SSH2: variants seen among roughly 807,000 people sequenced by gnomAD.
SSH2 encodes the protein protein phosphatase Slingshot homolog 2.
Under a neutral mutation model 135.2 loss-of-function variants are expected in SSH2, and 37 were observed. The observed-to-expected ratio is 0.27, with a 90% CI of 0.21 to 0.36. The LOEUF is 0.36. SSH2 is among the 10% of genes least tolerant of loss of function. The pLI is 1.00. For synonymous variants in SSH2, 628 were observed against 646.2 expected (o/e 0.97, Z 0.43); for missense variants, 1,408 against 1,765.3 (o/e 0.80, Z 3.63).
chr17:29,680,443 C>T (rs759897979), intron 6 of SSH2, among the ~76,000 whole-genome samples: 8 of 145,590 alleles, frequency 5.5e-5, no homozygotes, highest in Non-Finnish European at 9.0e-5. Flanking sequence ...CCCAGCTACT[C>T]GGGAGGCTGA....
chr17:29,703,562 T>G (rs534889491), intron 3 of SSH2, among the ~76,000 whole-genome samples: 1 of 149,762 alleles, frequency 6.7e-6, no homozygotes, highest in African/African-American at 2.5e-5. Context: ...ACAAGTTTTC[T>G]GAAACAAAAC....
At chr17:29,848,598 T>G (rs774534093) in intron 2 of SSH2, among the ~76,000 whole-genome samples, 3 of 152,212 alleles carry the variant, frequency 2.0e-5, no homozygotes, top group Non-Finnish European at 4.4e-5. Flanking sequence ...GGTTCCAAGA[T>G]GCCACATTTT....
chr17:29,684,852 G>C (rs190255086), intron 5 of SSH2, among the ~76,000 whole-genome samples, 168 bp from the exon 6 acceptor site: 161 of 152,212 alleles, frequency 1.1e-3, no homozygotes, highest in African/African-American at 3.6e-3. Context: ...TAAAAACTTT[G>C]GTAAGTTACT....
At chr17:29,681,927 T>G (rs1179356079) in intron 6 of SSH2, among the ~76,000 whole-genome samples, 1 of 152,194 alleles carries the variant, frequency 6.6e-6, no homozygotes, top group Non-Finnish European at 1.5e-5. Context: ...AAGCAGAGGA[T>G]GTATGGGAAT....
intron 1 of SSH2, among the ~76,000 whole-genome samples, chr17:29,902,154 T>C (rs2066569822): frequency 6.6e-6 from 1 of 152,190 alleles, no homozygotes; most frequent in Admixed American, 6.5e-5. Flanking sequence ...GCAATGAATG[T>C]ACACTACTTT....
intron 3 of SSH2, among the ~76,000 whole-genome samples, chr17:29,710,467 T>C (rs2039393575): frequency 6.6e-6 from 1 of 152,232 alleles, no homozygotes; most frequent in South Asian, 2.1e-4. Context: ...ACTCATACTT[T>C]TGTCTTGAAG....
chr17:29,643,142 G>T (rs1598704623), intron 14 of SSH2: 2 of 985,424 alleles, frequency 2.0e-6, no homozygotes, highest in Non-Finnish European at 2.4e-6. Flanking sequence ...AGTCATAGGA[G>T]TCTGGAGATT....
chr17:29,840,952 A>C (rs1300387606), intron 2 of SSH2, among the ~76,000 whole-genome samples: 1 of 152,206 alleles, frequency 6.6e-6, no homozygotes, highest in African/African-American at 2.4e-5. Flanking sequence ...TGAGCTCTTT[A>C]ACTACTACAT....
chr17:29,885,483 C>A (rs1287385909), intron 1 of SSH2, among the ~76,000 whole-genome samples: 1 of 152,022 alleles, frequency 6.6e-6, no homozygotes, highest in Non-Finnish European at 1.5e-5. Context: ...TCTTGGCTGG[C>A]CCCTAGATAG....
At chr17:29,746,871 C>G (rs183844447) in intron 3 of SSH2, among the ~76,000 whole-genome samples, 348 of 152,296 alleles carry the variant, frequency 2.3e-3, no homozygotes, top group Non-Finnish European at 3.9e-3. Context: ...ACCTGACCAG[C>G]TTTTTGCTGG....
intron 3 of SSH2, among the ~76,000 whole-genome samples, chr17:29,760,268 A>G (rs1421618228): frequency 6.6e-6 from 1 of 152,216 alleles, no homozygotes; most frequent in Non-Finnish European, 1.5e-5. Flanking sequence ...GCTTTGCTTA[A>G]GTGCAAAGAG....
chr17:29,785,115 A>G (rs1429985117), intron 3 of SSH2, among the ~76,000 whole-genome samples: 2 of 152,152 alleles, frequency 1.3e-5, no homozygotes, highest in Admixed American at 6.5e-5. Flanking sequence ...CAGGCTTAAA[A>G]ATAGGGGAGG....
chr17:29,849,594 C>T (rs748289868), intron 1 of SSH2, among the ~76,000 whole-genome samples: 9 of 151,094 alleles, frequency 6.0e-5, no homozygotes, highest in Non-Finnish European at 1.2e-4. Context: ...CAAAGATACA[C>T]ATTTGATGTA....
intron 1 of SSH2, among the ~76,000 whole-genome samples, chr17:29,863,166 TAAC>T (rs1302537167): frequency 2.0e-5 from 3 of 152,108 alleles, no homozygotes; most frequent in African/African-American, 7.2e-5. Context: ...AACTGGTCCT[TAAC>T]AACAACAACA....
chr17:29,701,598 T>G (rs913996399), intron 4 of SSH2, among the ~76,000 whole-genome samples: 2 of 151,772 alleles, frequency 1.3e-5, no homozygotes, highest in African/African-American at 4.8e-5. Context: ...TGAAGTGGAG[T>G]CTTGCTCTGT....
chr17:29,646,786 C>T lies in SSH2; in HGVS notation c.1427+1358G>A, dbSNP rs573474509. On this transcript the variant is annotated intron_variant, in intron 14 of 15. Coordinates refer to ENST00000540801, the MANE Select transcript of SSH2 (RefSeq NM_001282129.2). ...GTGCTGGGATTATAGGTGTGAGCCA[C>T]CACGCCCGGCCAAAATATTTTTTAA... is the stretch of plus-strand genomic sequence containing the variant. Among the ~76,000 whole-genome samples, 20 of 151,950 alleles carry T rather than the reference C, an allele frequency of 1.3e-4. No homozygotes were observed. The East Asian group carries it at 3.5e-3, about 27-fold the overall frequency.
intron 1 of SSH2, among the ~76,000 whole-genome samples, chr17:29,922,952 C>G (rs1296727049): frequency 1.3e-5 from 2 of 152,248 alleles, no homozygotes; most frequent in Non-Finnish European, 2.9e-5. Context: ...GCTCTGTTAC[C>G]CAGGCTGGAG....
intron 3 of SSH2, among the ~76,000 whole-genome samples, chr17:29,727,730 G>A (rs537875644): frequency 6.6e-6 from 1 of 152,230 alleles, no homozygotes; most frequent in Admixed American, 6.5e-5. Context: ...TCACTGAATG[G>A]GGAAAAACAG....
intron 11 of SSH2, among the ~76,000 whole-genome samples, chr17:29,657,932 T>C (rs547715783): frequency 1.5e-4 from 23 of 151,734 alleles, no homozygotes; most frequent in Non-Finnish European, 2.6e-4. Flanking sequence ...GGAGGGGGTC[T>C]TTCATAATAT....
Sources: allele counts gnomAD v4.1 joint callset (sites outside exome capture counted in the v4.1 genomes callset), GRCh38; gene constraint gnomAD v4.1.1; transcripts MANE v1.5; gene names NCBI Gene and HGNC (gene_info 2026-07-23, HGNC 2026-07-21).